Variants in DOCK1 observed in about 807,000 individuals in gnomAD.
The protein encoded by DOCK1 is dedicator of cytokinesis 1, also known as dedicator of cytokinesis protein 1.
DOCK1 carries 138 observed loss-of-function variants against 262.7 expected under a neutral mutation model. The ratio of observed to expected loss-of-function variants is 0.53; its 90% CI spans 0.46 to 0.61. DOCK1 has a LOEUF of 0.61. Among genes scored for constraint, DOCK1 ranks in the 20% least tolerant of loss-of-function variants. The pLI, the probability that DOCK1 is intolerant of heterozygous loss-of-function variation, is 0.00. For missense variants in DOCK1, 1,908 were observed against 2,370.7 expected (o/e 0.80, Z 4.05); for synonymous variants, 866 against 867.4 (o/e 1.00, Z 0.03).
intron 29 of DOCK1, among the ~76,000 whole-genome samples, chr10:127,271,478 AT>A (rs1365216923): frequency 1.4e-4 from 21 of 152,242 alleles, no homozygotes; most frequent in African/African-American, 4.1e-4. Context: ...CTATAAAAAA[AT>A]GATAATGTTT....
chr10:127,290,117 G>T (rs2061299165), intron 29 of DOCK1, among the ~76,000 whole-genome samples: 1 of 151,628 alleles, frequency 6.6e-6, no homozygotes. Context: ...TGTTTCCGTG[G>T]ATGTGTTTCT....
intron 27 of DOCK1, among the ~76,000 whole-genome samples, chr10:127,240,759 AT>A (rs2134689661): frequency 1.3e-5 from 2 of 152,290 alleles, no homozygotes; most frequent in Admixed American, 1.3e-4. Flanking sequence ...GAAATTCTAT[AT>A]AATATGAAAA....
At chr10:127,405,228 C>T (rs892606699) in intron 40 of DOCK1, among the ~76,000 whole-genome samples, 1 of 152,304 alleles carries the variant, frequency 6.6e-6, no homozygotes, top group South Asian at 2.1e-4. Flanking sequence ...ATCCCTGAGA[C>T]AGGCATGTGC....
At chr10:127,331,741 A>G (rs1441630064) in intron 29 of DOCK1, among the ~76,000 whole-genome samples, 1 of 152,192 alleles carries the variant, frequency 6.6e-6, no homozygotes, top group African/African-American at 2.4e-5. Flanking sequence ...TGTTCATAGC[A>G]ACATTTTTCA....
chr10:127,406,347 G>T (rs12771074), intron 40 of DOCK1, among the ~76,000 whole-genome samples: 29,684 of 152,154 alleles, frequency 0.2, 3,026 homozygotes, highest in East Asian at 0.35. Flanking sequence ...CACACAGCAG[G>T]CTCCAGGGGC....
chr10:127,329,619 T>G (rs1027872698), intron 29 of DOCK1, among the ~76,000 whole-genome samples: 1 of 152,046 alleles, frequency 6.6e-6, no homozygotes, highest in Non-Finnish European at 1.5e-5. Context: ...GGCTTTGCCC[T>G]CTCTCGCGGC....
intron 1 of DOCK1, among the ~76,000 whole-genome samples, chr10:126,915,432 G>T (rs913819889): frequency 2.4e-5 from 2 of 83,436 alleles, no homozygotes; most frequent in East Asian, 8.3e-4. Flanking sequence ...TTTGGGGGCG[G>T]GGGGGGGATG....
intron 1 of DOCK1, among the ~76,000 whole-genome samples, chr10:126,931,701 C>T (rs1028010501): frequency 3.9e-5 from 6 of 152,146 alleles, no homozygotes; most frequent in Non-Finnish European, 8.8e-5. Flanking sequence ...GGAGGTGGTA[C>T]AGCACAGAGT....
intron 29 of DOCK1, among the ~76,000 whole-genome samples, chr10:127,312,380 T>G (rs1350153745): frequency 6.6e-6 from 1 of 152,172 alleles, no homozygotes; most frequent in African/African-American, 2.4e-5. Context: ...AATGCCCCTC[T>G]GGGGGCTGCA....
intron 23 of DOCK1, among the ~76,000 whole-genome samples, chr10:127,084,174 G>T (rs1564791011): frequency 6.6e-6 from 1 of 152,072 alleles, no homozygotes; most frequent in Non-Finnish European, 1.5e-5. Context: ...TTCTTGGTTG[G>T]TGAGTGATTG....
intron 5 of DOCK1, among the ~76,000 whole-genome samples, chr10:126,989,745 A>G (rs571953272): frequency 6.6e-6 from 1 of 152,322 alleles, no homozygotes; most frequent in South Asian, 2.1e-4. Flanking sequence ...TGTAATTGCA[A>G]GCTGCAAACT....
chr10:127,179,410 T>C (rs2055500838), intron 27 of DOCK1, among the ~76,000 whole-genome samples: 1 of 152,262 alleles, frequency 6.6e-6, no homozygotes, highest in Non-Finnish European at 1.5e-5. Flanking sequence ...TTAATCACTT[T>C]AGTTTGTTAT....
chr10:127,110,365 C>T lies in DOCK1; in HGVS notation c.2623+11C>T. 1 of 1,601,696 alleles carries T rather than the reference C, an allele frequency of 6.2e-7. No individual in the cohort carries two copies. Among genetic ancestry groups the T allele is most frequent in the Non-Finnish European group, 8.5e-7 (1 of 1,171,376 alleles). ...TCTTCACACAGCATGGTGAGTGGAA[C>T]CCCAAGAATTATTCACTTGTCCTGT... On this transcript the variant is annotated intron_variant, in intron 25 of 51. Coordinates refer to ENST00000623213, the MANE Select transcript of DOCK1 (RefSeq NM_001290223.2).
rs973020393 is a variant in DOCK1, at chr10:127,100,498, G to T, written c.2446-5733G>T. 6.6e-5 allele frequency among the ~76,000 whole-genome samples: 10 copies of T among 152,146 alleles called. No individual in the cohort carries two copies. The highest frequency in any genetic ancestry group is 5.9e-4 in the Admixed American group (9 of 15,284). Reference sequence around the variant, plus strand: ...TTTGCAATGTCTAGGGTCAGCCAGGGTGGACCCCGGTGGGTGTGGGGTGTG... The same window carrying T: ...TTTGCAATGTCTAGGGTCAGCCAGGTTGGACCCCGGTGGGTGTGGGGTGTG... On this transcript the variant is annotated intron_variant, in intron 23 of 51. Transcript: ENST00000623213. This position sits in a 1 kb window ranked among gnomAD's most constrained non-coding sequence, Gnocchi z 5.5.
intron 22 of DOCK1, among the ~76,000 whole-genome samples, 199 bp downstream of exon 22, chr10:127,053,014 G>A (rs2044850553): frequency 6.6e-6 from 1 of 152,204 alleles, no homozygotes; most frequent in African/African-American, 2.4e-5. Context: ...GGTCCCTGCC[G>A]GTGCTGAGGC....
chr10:127,331,688 A>G (rs2135670975), intron 29 of DOCK1, among the ~76,000 whole-genome samples: 1 of 152,304 alleles, frequency 6.6e-6, no homozygotes, highest in South Asian at 2.1e-4. Flanking sequence ...TATTTATCCA[A>G]AATAATTGAA....
chr10:127,328,541 G>A (rs1268737564), intron 29 of DOCK1, among the ~76,000 whole-genome samples: 1 of 152,234 alleles, frequency 6.6e-6, no homozygotes, highest in Non-Finnish European at 1.5e-5. Flanking sequence ...GGTGTTTGGT[G>A]ATCAGAGGCT....
At chr10:127,253,316 C>G (rs2059717511) in intron 28 of DOCK1, among the ~76,000 whole-genome samples, 1 of 152,154 alleles carries the variant, frequency 6.6e-6, no homozygotes, top group Non-Finnish European at 1.5e-5. Context: ...CACTCTGTGG[C>G]TTTGGAAAAC....
At chr10:126,938,867 TGGAGGGGATGAACACA>T (rs2034752961) in intron 1 of DOCK1, among the ~76,000 whole-genome samples, 1 of 53,214 alleles carries the variant, frequency 1.9e-5, no homozygotes, top group African/African-American at 9.2e-5. Flanking sequence ...GGATGAGCAC[TGGAGGGGATGAACACA>T]GGAGGGGACG....
Sources: allele counts gnomAD v4.1 joint callset (sites outside exome capture counted in the v4.1 genomes callset), GRCh38; gene constraint gnomAD v4.1.1; non-coding constraint Gnocchi (gnomAD v3.1); transcripts MANE v1.5; gene names NCBI Gene and HGNC (gene_info 2026-07-23, HGNC 2026-07-21).